The following FAT4 variants were observed in gnomAD, a reference collection of about 807,000 sequenced individuals.
The protein encoded by FAT4 is protocadherin Fat 4.
In FAT4, 84 loss-of-function variants were observed where a neutral mutation model predicts 303.9. The observed-to-expected ratio is 0.28, with a 90% CI of 0.23 to 0.33. The LOEUF (loss-of-function observed/expected upper bound fraction) is 0.33. Ranked by LOEUF, FAT4 falls within the 10% of genes least tolerant of loss-of-function variation. FAT4 has a pLI of 1.00. For synonymous variants in FAT4, 2,307 were observed against 2,298.8 expected (o/e 1.00, Z -0.10); for missense variants, 6,005 against 6,146.8 (o/e 0.98, Z 0.77).
At chr4:125,421,025 G>A (rs1724855283) in intron 7 of FAT4, among the ~76,000 whole-genome samples, 1 of 152,110 alleles carries the variant, frequency 6.6e-6, no homozygotes, top group African/African-American at 2.4e-5. Flanking sequence ...TCGCCTCCCG[G>A]GTTCAAACAA....
chr4:125,325,890 C>G (rs1280606142), intron 2 of FAT4, among the ~76,000 whole-genome samples: 2 of 152,140 alleles, frequency 1.3e-5, no homozygotes, highest in African/African-American at 4.8e-5. Context: ...TTTTGCACCT[C>G]TAGCATAAAT....
At chr4:125,367,251 A>G (rs1042662345) in intron 2 of FAT4, among the ~76,000 whole-genome samples, 44 of 152,148 alleles carry the variant, frequency 2.9e-4, no homozygotes, top group Non-Finnish European at 4.7e-4. Flanking sequence ...ACTGGAAGCA[A>G]TTATTGGTAG....
At position 125,448,855 on chromosome 4, in the gene FAT4, G is replaced by A. The variant is rs1262979373; in HGVS notation, c.7845G>A (p.Gln2615=). The A allele has an allele frequency of 1.7e-5, 27 of 1,608,358 alleles. No homozygotes were observed. The highest frequency in any genetic ancestry group is 2.3e-5 in the Non-Finnish European group (27 of 1,179,322). ...IASGNLGNTF[Q]IDQLTGQVSI... is the part of the protein sequence containing the mutation. ...GTGGGAATCTTGGCAATACTTTCCA[G>A]ATTGATCAGTTAACAGGGCAGGTGT... is the stretch of plus-strand genomic sequence containing the variant. Residue 2615 remains glutamine (Q), a synonymous_variant, in exon 10 of 18, where the codon CAG becomes CAA. Coordinates refer to ENST00000394329, the MANE Select transcript of FAT4 (RefSeq NM_001291303.3).
intron 7 of FAT4, among the ~76,000 whole-genome samples, chr4:125,428,230 G>A (rs1008256587): frequency 6.6e-6 from 1 of 151,462 alleles, no homozygotes; most frequent in Non-Finnish European, 1.5e-5. Flanking sequence ...CCCGGGAGGC[G>A]GAGGTTGCAG....
At chr4:125,334,819 C>CT (rs1487008230) in intron 2 of FAT4, among the ~76,000 whole-genome samples, 5 of 151,766 alleles carry the variant, frequency 3.3e-5, no homozygotes, top group African/African-American at 7.3e-5. Flanking sequence ...CCCATAGTCT[C>CT]TTTTTTTTAA....
Position 125,487,388 on chromosome 4 carries a change from C to G in FAT4, c.12866C>G (p.Ala4289Gly). Reference sequence around the variant, plus strand: ...TATTTTACATCCGATGCAGGAATTGCTGGGAAAGTGGAGAGAAATATTCCT... The same window carrying G: ...TATTTTACATCCGATGCAGGAATTGGTGGGAAAGTGGAGAGAAATATTCCT... ...KVYFTSDAGI[A>G]GKVERNIPEV... Residue 4289 changes from alanine (A) to glycine (G), a missense_variant, in exon 17 of 18, where the codon GCT becomes GGT. By Grantham distance (60) the Ala-to-Gly change is moderately conservative. Coordinates refer to ENST00000394329, the MANE Select transcript of FAT4 (RefSeq NM_001291303.3). 6.2e-7 allele frequency: 1 copy of G among 1,613,800 alleles called. No homozygotes were observed. The highest frequency in any genetic ancestry group is 8.5e-7 in the Non-Finnish European group (1 of 1,179,768).
At chr4:125,448,413 T>TTTATTTAAA in intron 9 of FAT4, 48 bp from the exon 10 acceptor site, 2 of 1,516,330 alleles carry the variant, frequency 1.3e-6, no homozygotes, top group Non-Finnish European at 1.8e-6. Flanking sequence ...TACCAAATAT[T>TTTATTTAAA]TTATTTAAAT....
intron 2 of FAT4, among the ~76,000 whole-genome samples, chr4:125,366,421 G>C (rs182603481): frequency 1.1e-3 from 162 of 152,256 alleles, no homozygotes; most frequent in South Asian, 0.01. Context: ...TCCTGCAAAG[G>C]ACATGATCTT....
In FAT4 at chr4:125,395,040, G is replaced by A. The variant is rs1445051382; in HGVS notation, c.5176-3744G>A. 2.0e-5 allele frequency among the ~76,000 whole-genome samples: 3 copies of A among 152,092 alleles called. No individual in the cohort carries two copies. In the East Asian group the frequency reaches 5.8e-4, roughly 29 times the overall value. On this transcript the variant is annotated intron_variant, in intron 2 of 17. Transcript: ENST00000394329. The stretch of plus-strand genomic sequence containing the variant: ...TAGTGACCACATCACATGTAAATGG[G>A]TTCAGAATCTTGCAATTCTTGGTAG...
In FAT4 at chr4:125,315,753, G is replaced by T. The variant is rs937521371; in HGVS notation, c.-237G>T. On this transcript the variant is annotated 5_prime_UTR_variant, in exon 1 of 18. Transcript: ENST00000394329. ...CGCTAGCGCTTGGAACGCAGTTCCC[G>T]AACTGCCTGCGCGCAGACGCCGCCG... Among the ~76,000 whole-genome samples the T allele has an allele frequency of 3.9e-5, 6 of 152,176 alleles. No homozygotes were observed. The highest frequency in any genetic ancestry group is 1.4e-4 in the African/African-American group (6 of 41,456).
chr4:125,328,717 G>T (rs897153144), intron 2 of FAT4, among the ~76,000 whole-genome samples: 3 of 152,150 alleles, frequency 2.0e-5, no homozygotes, highest in Admixed American at 6.5e-5. Flanking sequence ...CCTTTGCAAT[G>T]GTTCTGGAGG....
intron 5 of FAT4, among the ~76,000 whole-genome samples, chr4:125,409,872 G>A (rs928464411): frequency 6.6e-6 from 1 of 152,052 alleles, no homozygotes; most frequent in Non-Finnish European, 1.5e-5. Context: ...CAACTAAATT[G>A]TCTCATCAAT....
intron 8 of FAT4, among the ~76,000 whole-genome samples, chr4:125,437,369 A>G (rs1725495822): frequency 6.6e-6 from 1 of 152,222 alleles, no homozygotes; most frequent in Admixed American, 6.5e-5. Context: ...AGGCCTGGCT[A>G]GAGACAACAG....
chr4:125,376,909 T>C (rs1733348496), intron 2 of FAT4, among the ~76,000 whole-genome samples: 1 of 151,954 alleles, frequency 6.6e-6, no homozygotes, highest in Non-Finnish European at 1.5e-5. Flanking sequence ...TAAATAACAA[T>C]AAAATAACAA....
chr4:125,368,577 T>A (rs1732979364), intron 2 of FAT4, among the ~76,000 whole-genome samples: 1 of 149,034 alleles, frequency 6.7e-6, no homozygotes, highest in Non-Finnish European at 1.5e-5. Context: ...ACCCTTTCTA[T>A]CAAATTTCAG....
At position 125,319,078 on chromosome 4, in the gene FAT4, C is replaced by G; in HGVS notation, c.2667C>G (p.Asn889Lys). 1 of 1,614,138 alleles carries G rather than the reference C, an allele frequency of 6.2e-7. No individual in the cohort carries two copies. The highest frequency in any genetic ancestry group is 8.5e-7 in the Non-Finnish European group (1 of 1,180,022). ...VNITVKDLND[N>K]SPHFLQAIES... ...TAACAGTTAAGGATTTGAATGACAA[C>G]TCTCCCCATTTCCTTCAGGCAATAG... The change falls in exon 2 of 18, where the codon AAC becomes AAG. Residue 889 changes from asparagine to lysine, a missense_variant. By Grantham distance (94) the Asn-to-Lys change is moderately conservative. Transcript: ENST00000394329.
At chr4:125,460,088 A>C (rs1381413887) in intron 10 of FAT4, among the ~76,000 whole-genome samples, 1 of 152,002 alleles carries the variant, frequency 6.6e-6, no homozygotes, top group African/African-American at 2.4e-5. Flanking sequence ...TTTTCCTACT[A>C]TGTCTTTGAA....
At chr4:125,434,627 A>C (rs1725393748) in intron 8 of FAT4, among the ~76,000 whole-genome samples, 1 of 152,096 alleles carries the variant, frequency 6.6e-6, no homozygotes. Flanking sequence ...ATTTTATTTA[A>C]TTTTTATTTT....
intron 2 of FAT4, among the ~76,000 whole-genome samples, chr4:125,347,243 G>T (rs775498669): frequency 6.7e-6 from 1 of 150,290 alleles, no homozygotes; most frequent in Non-Finnish European, 1.5e-5. Flanking sequence ...TTATGTCTAT[G>T]TATTTCAATC....
Sources: gnomAD v4.1 joint callset for allele counts (sites outside exome capture counted in the v4.1 genomes callset) on GRCh38, gnomAD v4.1.1 for gene constraint, MANE v1.5 for transcripts, NCBI Gene and HGNC (gene_info 2026-07-23, HGNC 2026-07-21) for gene names.